Variants in BAZ1B observed in about 807,000 individuals in gnomAD.
The protein encoded by BAZ1B is bromodomain adjacent to zinc finger domain 1B, also known as tyrosine-protein kinase BAZ1B.
Under a neutral mutation model 153.8 loss-of-function variants are expected in BAZ1B, and 22 were observed. That is an observed-to-expected ratio of 0.14 (90% CI 0.10 to 0.20). BAZ1B has a LOEUF of 0.20. Ranked by LOEUF, BAZ1B falls within the 10% of genes least tolerant of loss-of-function variation. The pLI, the probability that BAZ1B is intolerant of heterozygous loss-of-function variation, is 1.00. For synonymous variants in BAZ1B, 676 were observed against 633.4 expected, an observed-to-expected ratio of 1.07 and a Z score of -1.01; for missense variants, 1,325 against 1,799.3, an observed-to-expected ratio of 0.74 and a Z score of 4.77.
intron 3 of BAZ1B, among the ~76,000 whole-genome samples, chr7:73,504,212 A>C (rs1312940446): frequency 6.6e-6 from 1 of 152,144 alleles, no homozygotes; most frequent in African/African-American, 2.4e-5. Flanking sequence ...GACTGATATA[A>C]AGTATGTGAT....
rs1181340213 is a variant in BAZ1B, at chr7:73,459,874, A to T, written c.3250-156T>A. On this transcript the variant is annotated intron_variant, in intron 12 of 19. Transcript: ENST00000339594. ...TACCATTAATTTAACTGTGCTCCTC[A>T]GTTCACTGCATGGCTCATGCATTTA... is the stretch of plus-strand genomic sequence containing the variant. Among the ~76,000 whole-genome samples the T allele has an allele frequency of 7.6e-4, 115 of 152,220 alleles. 1 individual carries two copies. Among genetic ancestry groups the T allele is most frequent in the Non-Finnish European group, 5.9e-5 (4 of 68,046 alleles).
At chr7:73,451,152 G>GA (rs1169881527) in intron 13 of BAZ1B, among the ~76,000 whole-genome samples, 158 bp from the exon 14 acceptor site, 5 of 152,224 alleles carry the variant, frequency 3.3e-5, no homozygotes, top group Admixed American at 2.6e-4. Context: ...TCCAAAGGGG[G>GA]AAAAAAACTT....
Position 73,475,180 on chromosome 7 carries a change from T to C in BAZ1B, c.2593+1688A>G, listed in dbSNP as rs531338698. On this transcript the variant is annotated intron_variant, in intron 7 of 19. Transcript: ENST00000339594. The stretch of plus-strand genomic sequence containing the variant: ...GAAAACAGTCTGGCAGTTTCTCAGA[T>C]GGTTAAACATAATCATATGACCCAA... 9.8e-5 allele frequency among the ~76,000 whole-genome samples: 15 copies of C among 152,352 alleles called. No homozygotes were observed. In the East Asian group the frequency reaches 2.5e-3, roughly 25 times the overall value.
intron 16 of BAZ1B, among the ~76,000 whole-genome samples, chr7:73,446,288 A>G (rs1787832587): frequency 6.6e-6 from 1 of 152,182 alleles, no homozygotes; most frequent in African/African-American, 2.4e-5. Flanking sequence ...ACGAACCTGT[A>G]AAGAAAAGTG....
rs782485906 is a variant in BAZ1B, at chr7:73,469,681, G to A, written c.2733-31C>T. 12 of 1,611,938 alleles carry A rather than the reference G, an allele frequency of 7.4e-6. No individual in the cohort carries two copies. The African/African-American group carries it at 1.6e-4, about 22-fold the overall frequency. The stretch of plus-strand genomic sequence containing the variant: ...AATCACAACCAGTATTAATAAGACA[G>A]TGAATAGATCAGGATTGCAGGATGA... On this transcript the variant is annotated intron_variant, in intron 8 of 19. Transcript: ENST00000339594.
At position 73,476,908 on chromosome 7, in the gene BAZ1B, T is replaced by A; in HGVS notation, c.2553A>T (p.Gln851His). Residue 851 changes from glutamine to histidine, a missense_variant, in exon 7 of 20, where the codon CAA becomes CAT. Transcript: ENST00000339594. ...CCTGGATTTCCCGTTCCTTCTTAGC[T>A]TGAATGGCAAGCAACCTTCTGCTCT... ...AVKSRRLLAI[Q>H]AKKEREIQER... is the part of the protein sequence containing the mutation. 1.2e-6 allele frequency: 2 copies of A among 1,608,330 alleles called. No homozygotes were observed. Among genetic ancestry groups the A allele is most frequent in the Non-Finnish European group, 1.7e-6 (2 of 1,178,388 alleles).
chr7:73,462,910 T>A lies in BAZ1B; in HGVS notation c.3249+12A>T. The A allele has an allele frequency of 2.5e-6, 4 of 1,613,726 alleles. No individual in the cohort carries two copies. The stretch of plus-strand genomic sequence containing the variant: ...CATGAGTAATCTAAGGGGGATTTTC[T>A]TATATTCCTACCCGGGCTTCAAATT... On this transcript the variant is annotated intron_variant, in intron 12 of 19. Transcript: ENST00000339594.
chr7:73,506,316 G>A (rs782738448), intron 3 of BAZ1B, among the ~76,000 whole-genome samples: 11 of 151,866 alleles, frequency 7.2e-5, no homozygotes, highest in Non-Finnish European at 1.3e-4. Flanking sequence ...GGCTAACACA[G>A]TGAAACCCCG....
At position 73,442,487 on chromosome 7, in the gene BAZ1B, C is replaced by T. The variant is rs782257737; in HGVS notation, c.4161G>A (p.Gln1387=). Reference sequence around the variant, plus strand: ...CACAGGAACATTTGTTCTGCACTGTCTGAAAGTCCATGGGGTGCGTGATCA... The same window carrying T: ...CACAGGAACATTTGTTCTGCACTGTTTGAAAGTCCATGGGGTGCGTGATCA... ...YDVITHPMDF[Q]TVQNKCSCGS... The change falls in exon 19 of 20, where the codon CAG becomes CAA. Residue 1387 remains glutamine, a synonymous_variant. Transcript: ENST00000339594. 3 of 1,614,090 alleles carry T rather than the reference C, an allele frequency of 1.9e-6. No individual in the cohort carries two copies. Among genetic ancestry groups the T allele is most frequent in the Admixed American group, 3.3e-5 (2 of 60,004 alleles).
At chr7:73,469,076 G>A (rs1259948898) in intron 9 of BAZ1B, among the ~76,000 whole-genome samples, 1 of 150,676 alleles carries the variant, frequency 6.6e-6, no homozygotes, top group Non-Finnish European at 1.5e-5. Context: ...GTTGCAGTGA[G>A]CCGAGATCAC....
chr7:73,515,531 CTTTTTTTTT>C (rs869065388), intron 1 of BAZ1B, among the ~76,000 whole-genome samples: 2 of 111,422 alleles, frequency 1.8e-5, no homozygotes, highest in Admixed American at 1.0e-4. Flanking sequence ...AGCCTTGTTC[CTTTTTTTTT>C]TTTTTTTTTT....
chr7:73,457,662 T>C (rs1788254584), intron 13 of BAZ1B, among the ~76,000 whole-genome samples: 1 of 152,182 alleles, frequency 6.6e-6, no homozygotes, highest in South Asian at 2.1e-4. Flanking sequence ...AGGAGCCCCT[T>C]TGGATCACAC....
At chr7:73,502,908 T>C (rs1339905984) in intron 3 of BAZ1B, among the ~76,000 whole-genome samples, 3 of 152,222 alleles carry the variant, frequency 2.0e-5, no homozygotes, top group African/African-American at 7.2e-5. Context: ...CTTTGAGCCT[T>C]CTATAAATGT....
At chr7:73,497,607 T>G (rs1554576546) in intron 4 of BAZ1B, among the ~76,000 whole-genome samples, 3 of 152,028 alleles carry the variant, frequency 2.0e-5, no homozygotes, top group African/African-American at 7.3e-5. Context: ...GGTTACTCAG[T>G]TCGTCTCTGA....
chr7:73,508,254 A>C, intron 3 of BAZ1B, 73 bp downstream of exon 3: 1 of 1,467,174 alleles, frequency 6.8e-7, no homozygotes, highest in Non-Finnish European at 9.3e-7. Flanking sequence ...CACACATAGA[A>C]ATGTGTTCTG....
rs188292313 is a variant in BAZ1B, at chr7:73,479,691, T to C, written c.892-1122A>G. Among the ~76,000 whole-genome samples, 7 of 152,188 alleles carry C rather than the reference T, an allele frequency of 4.6e-5. No individual in the cohort carries two copies. In the East Asian group the frequency reaches 1.4e-3, roughly 29 times the overall value. ...TTTTCACCATCCTAACCCCCATGTC[T>C]TGCTTTACCCAGATTAAATTTTAGT... On this transcript the variant is annotated intron_variant, in intron 6 of 19. Transcript: ENST00000339594.
intron 6 of BAZ1B, among the ~76,000 whole-genome samples, chr7:73,481,376 G>A (rs936863354): frequency 8.6e-5 from 13 of 151,980 alleles, no homozygotes; most frequent in African/African-American, 2.9e-4. Flanking sequence ...TTTTAGCCAG[G>A]TGCGGTGGCG....
chr7:73,463,710 T>G (rs1351131105), intron 11 of BAZ1B, among the ~76,000 whole-genome samples: 2 of 152,182 alleles, frequency 1.3e-5, no homozygotes, highest in Non-Finnish European at 2.9e-5. Context: ...TTTGTCTTTT[T>G]TTTTTTGTTG....
In BAZ1B at chr7:73,478,231, G is replaced by T. The variant is rs1554573177; in HGVS notation, c.1230C>A (p.Gly410=). Residue 410 remains glycine, a synonymous_variant, in exon 7 of 20, where the codon GGC becomes GGA. Transcript: ENST00000339594. Reference sequence around the variant, plus strand: ...CTGTGGATTTCTGTCCATTCAGGATGCCTTTGCTTCTGCCCTTTGCCTTCA... The same window carrying T: ...CTGTGGATTTCTGTCCATTCAGGATTCCTTTGCTTCTGCCCTTTGCCTTCA... The part of the protein sequence containing the change: ...KPLKAKGRSK[G]ILNGQKSTGN... The T allele has an allele frequency of 1.2e-6, 2 of 1,614,184 alleles. No individual in the cohort carries two copies. Among genetic ancestry groups the T allele is most frequent in the East Asian group, 4.5e-5 (2 of 44,892 alleles).
Sources: gnomAD v4.1 joint callset for allele counts (sites outside exome capture counted in the v4.1 genomes callset) on GRCh38, gnomAD v4.1.1 for gene constraint, MANE v1.5 for transcripts, NCBI Gene and HGNC (gene_info 2026-07-23, HGNC 2026-07-21) for gene names.